ASIC2: variants seen among roughly 807,000 people sequenced by gnomAD.
ASIC2 encodes the protein acid-sensing ion channel 2.
A neutral mutation model predicts 57.3 loss-of-function variants in ASIC2; 25 were observed. The observed-to-expected ratio is 0.44, with a 90% confidence interval of 0.32 to 0.61. The LOEUF (loss-of-function observed/expected upper bound fraction) is 0.61. Ranked by LOEUF, ASIC2 falls within the 20% of genes least tolerant of loss-of-function variation. The pLI is 0.06. For synonymous variants in ASIC2, 319 were observed against 307.5 expected (o/e 1.04, Z -0.39); for missense variants, 641 against 738.1 (o/e 0.87, Z 1.52).
chr17:33,874,524 T>G (rs1229624794), intron 1 of ASIC2, among the ~76,000 whole-genome samples: 3 of 152,256 alleles, frequency 2.0e-5, no homozygotes, highest in Non-Finnish European at 2.9e-5. Context: ...CGTGTCCTCT[T>G]GACCTCGAGC....
At chr17:33,236,737 T>C (rs1469962064) in intron 1 of ASIC2, among the ~76,000 whole-genome samples, 1 of 152,118 alleles carries the variant, frequency 6.6e-6, no homozygotes, top group Non-Finnish European at 1.5e-5. Flanking sequence ...TGGGTATCTT[T>C]ATAAGAGAAA....
chr17:33,724,649 A>G (rs995520046), intron 1 of ASIC2, among the ~76,000 whole-genome samples: 1 of 152,208 alleles, frequency 6.6e-6, no homozygotes, highest in African/African-American at 2.4e-5. Flanking sequence ...TGCAGCAGCC[A>G]ATTACTGGGA....
At chr17:33,807,494 A>C (rs900454751) in intron 1 of ASIC2, among the ~76,000 whole-genome samples, 7 of 152,192 alleles carry the variant, frequency 4.6e-5, no homozygotes, top group African/African-American at 1.7e-4. Flanking sequence ...ATTACAACAC[A>C]AAACACCTGG....
At chr17:33,462,045 C>G (rs931930026) in intron 1 of ASIC2, among the ~76,000 whole-genome samples, 2 of 152,088 alleles carry the variant, frequency 1.3e-5, no homozygotes, top group Non-Finnish European at 1.5e-5. Flanking sequence ...GAAGAGAGAC[C>G]GCGTATTTCA....
chr17:33,785,566 A>G (rs1911578235), intron 1 of ASIC2, among the ~76,000 whole-genome samples: 1 of 152,196 alleles, frequency 6.6e-6, no homozygotes, highest in Middle Eastern at 3.4e-3. Context: ...ACTCCTAACC[A>G]CTAATGCCTA....
intron 1 of ASIC2, among the ~76,000 whole-genome samples, chr17:33,265,424 G>A (rs949182002): frequency 1.3e-5 from 2 of 152,068 alleles, no homozygotes; most frequent in African/African-American, 2.4e-5. Context: ...ACCAAACACC[G>A]CCATGTCCTC....
chr17:33,266,175 C>G (rs1239554980), intron 1 of ASIC2, among the ~76,000 whole-genome samples: 1 of 152,202 alleles, frequency 6.6e-6, no homozygotes, highest in Non-Finnish European at 1.5e-5. Context: ...AACACAGTCA[C>G]TCAATCACCC....
intron 1 of ASIC2, among the ~76,000 whole-genome samples, chr17:33,159,290 T>C (rs974833541): frequency 2.6e-5 from 4 of 152,204 alleles, no homozygotes; most frequent in African/African-American, 9.7e-5. Flanking sequence ...CTAAGGCAAA[T>C]CTTTCTCTAG....
intron 1 of ASIC2, among the ~76,000 whole-genome samples, chr17:33,996,152 T>C (rs73278411): frequency 0.18 from 27,105 of 152,130 alleles, 4,822 homozygotes; most frequent in African/African-American, 0.45. Context: ...ATGTATTCCT[T>C]TGAAAAATGC....
intron 1 of ASIC2, among the ~76,000 whole-genome samples, chr17:33,585,774 G>A (rs1371358049): frequency 2.6e-5 from 4 of 152,168 alleles, no homozygotes; most frequent in Non-Finnish European, 5.9e-5. Flanking sequence ...CTGCCCGCTA[G>A]TCTCGATGTT....
chr17:33,875,296 CT>C (rs1914520391), intron 1 of ASIC2, among the ~76,000 whole-genome samples: 1 of 152,210 alleles, frequency 6.6e-6, no homozygotes, highest in Non-Finnish European at 1.5e-5. Flanking sequence ...AGAAGTCCCC[CT>C]GATGGATGAG....
At chr17:33,344,117 G>A (rs1324535103) in intron 1 of ASIC2, among the ~76,000 whole-genome samples, 3 of 152,212 alleles carry the variant, frequency 2.0e-5, no homozygotes. Context: ...TTCCCCAGCA[G>A]ATAATTGGTT....
At chr17:33,379,587 C>T (rs376126493) in intron 1 of ASIC2, among the ~76,000 whole-genome samples, 11 of 152,174 alleles carry the variant, frequency 7.2e-5, no homozygotes, top group South Asian at 6.2e-4. Context: ...GCCTCCCTCT[C>T]GCACCTTGTG....
chr17:34,053,183 G>C (rs1332343474), intron 1 of ASIC2, among the ~76,000 whole-genome samples: 1 of 152,022 alleles, frequency 6.6e-6, no homozygotes, highest in Non-Finnish European at 1.5e-5. Flanking sequence ...TCCAAATTTT[G>C]TTCTCCCTGG....
intron 1 of ASIC2, among the ~76,000 whole-genome samples, chr17:34,111,391 T>G (rs1598032406): frequency 6.6e-6 from 1 of 151,298 alleles, no homozygotes; most frequent in Non-Finnish European, 1.5e-5. Flanking sequence ...AAAACAGTAC[T>G]TTTATACATG....
intron 1 of ASIC2, among the ~76,000 whole-genome samples, chr17:33,628,620 A>G (rs1201410356): frequency 1.3e-5 from 2 of 151,864 alleles, no homozygotes; most frequent in Non-Finnish European, 2.9e-5. Flanking sequence ...AAAGCAGGGA[A>G]CTCTGTTCCC....
intron 1 of ASIC2, among the ~76,000 whole-genome samples, chr17:33,606,724 C>T (rs1053297311): frequency 6.6e-6 from 1 of 152,142 alleles, no homozygotes; most frequent in African/African-American, 2.4e-5. Context: ...GAACAAATGG[C>T]TTAATGCACC....
chr17:33,285,458 GC>G (rs1905112879), intron 1 of ASIC2, among the ~76,000 whole-genome samples: 1 of 152,228 alleles, frequency 6.6e-6, no homozygotes, highest in Non-Finnish European at 1.5e-5. Context: ...CACGCCATCT[GC>G]ACTATTTGAG....
At chr17:33,626,438 T>G (rs568766055) in intron 1 of ASIC2, among the ~76,000 whole-genome samples, 132 of 152,360 alleles carry the variant, frequency 8.7e-4, no homozygotes, top group African/African-American at 3.1e-3. Context: ...TTGAGGACAA[T>G]ATTCATAAAA....
Sources: allele counts gnomAD v4.1 joint callset (sites outside exome capture counted in the v4.1 genomes callset), GRCh38; gene constraint gnomAD v4.1.1; transcripts MANE v1.5; gene names NCBI Gene and HGNC (gene_info 2026-07-23, HGNC 2026-07-21).